Variants in DYNLT2 observed in about 807,000 individuals in gnomAD.
DYNLT2 encodes the protein dynein light chain Tctex-type protein 2.
A neutral mutation model predicts 24.3 loss-of-function variants in DYNLT2; 24 were observed. The observed-to-expected ratio is 0.99, with a 90% confidence interval of 0.71 to 1.39. The LOEUF (loss-of-function observed/expected upper bound fraction) is 1.39, where lower values mean the gene tolerates loss of function less well. Ranked by LOEUF, DYNLT2 falls within the 40% of genes most tolerant of loss-of-function variation. DYNLT2 has a pLI of 0.00. For synonymous variants in DYNLT2, 85 were observed against 85.4 expected, an observed-to-expected ratio of 1.00 and a Z score of 0.03; for missense variants, 246 against 234.5, an observed-to-expected ratio of 1.05 and a Z score of -0.32.
In DYNLT2 at chr6:169,740,232, C is replaced by T. The variant is rs1369551865; in HGVS notation, c.550G>A (p.Glu184Lys). The T allele has an allele frequency of 1.2e-6, 2 of 1,614,122 alleles. No homozygotes were observed. The highest frequency in any genetic ancestry group is 2.2e-5 in the South Asian group (2 of 91,072). The change falls in exon 4 of 4, where the codon GAA becomes AAA. Residue 184 changes from glutamate to lysine, a missense_variant. Coordinates refer to ENST00000366774, the MANE Select transcript of DYNLT2 (RefSeq NM_174910.3). Reference protein sequence around the residue: ...DSWVAAKHEAESYVALVLVFA... With the variant: ...DSWVAAKHEAKSYVALVLVFA... ...ACCAAGACCAGTGCCACGTAGGATT[C>T]TGCTTCGTGTTTAGCTGCGACCCAG...
downstream of DYNLT2, among the ~76,000 whole-genome samples, chr6:169,735,505 A>T (rs1789543162): frequency 1.3e-5 from 2 of 152,170 alleles, no homozygotes; most frequent in Admixed American, 6.5e-5. Flanking sequence ...TTGGTTTCAA[A>T]TAACTTCTTG....
intron 1 of DYNLT2, among the ~76,000 whole-genome samples, chr6:169,749,026 T>C (rs538337019): frequency 1.3e-5 from 2 of 152,348 alleles, no homozygotes; most frequent in South Asian, 4.1e-4. Context: ...AGCCTACATA[T>C]AGCCCTAAAA....
rs115618694 is a variant in DYNLT2, at chr6:169,744,988, T to C, written c.121-714A>G. On this transcript the variant is annotated intron_variant, in intron 1 of 3. Transcript: ENST00000366774. ...TGCTTGGCTAGAACTTCCAGCTCTA[T>C]GTTGAAAAGAAGTGGCAAAAGTGGA... Among the ~76,000 whole-genome samples the C allele has an allele frequency of 9.0e-3, 1,371 of 152,316 alleles. 17 individuals are homozygous for C. Among genetic ancestry groups the C allele is most frequent in the African/African-American group, 0.031 (1,282 of 41,574 alleles).
At chr6:169,744,376 C>T (rs999268214) in intron 1 of DYNLT2, 102 bp from the exon 2 acceptor site, 5 of 949,556 alleles carry the variant, frequency 5.3e-6, no homozygotes, top group South Asian at 5.2e-5. Flanking sequence ...TGGGACAGGG[C>T]TCACACAAAG....
At chr6:169,740,891 C>G (rs1360015112) in intron 3 of DYNLT2, among the ~76,000 whole-genome samples, 1 of 151,734 alleles carries the variant, frequency 6.6e-6, no homozygotes, top group East Asian at 1.9e-4. Flanking sequence ...TCACTGCAAC[C>G]TCCACCTCCT....
the DYNLT2 span, chr6:169,725,318 T>A: frequency 5.0e-6 from 2 of 398,676 alleles, no homozygotes; most frequent in Non-Finnish European, 8.8e-6. Context: ...TATAGTTGCC[T>A]ACACTCAACA....
downstream of DYNLT2, among the ~76,000 whole-genome samples, chr6:169,737,603 A>G (rs1326634900): frequency 6.6e-6 from 1 of 151,910 alleles, no homozygotes; most frequent in African/African-American, 2.4e-5. Flanking sequence ...GCTGGGGTGA[A>G]TGGCCCTACT....
At chr6:169,736,201 C>T (rs1021410407), downstream of DYNLT2, among the ~76,000 whole-genome samples, 5 of 151,372 alleles carry the variant, frequency 3.3e-5, no homozygotes, top group Admixed American at 3.3e-4. Context: ...TATTTTGAGC[C>T]TGTGTGTCTT....
At chr6:169,739,234 A>G (rs1415542024), downstream of DYNLT2, among the ~76,000 whole-genome samples, 6 of 136,634 alleles carry the variant, frequency 4.4e-5, no homozygotes, top group Non-Finnish European at 7.7e-5. Flanking sequence ...TTTTTAAGAG[A>G]TGGAGTCTTG....
At chr6:169,730,787 A>G in the DYNLT2 span, among the ~76,000 whole-genome samples, 2 of 152,088 alleles carry the variant, frequency 1.3e-5, no homozygotes, top group Non-Finnish European at 2.9e-5. Context: ...AGTCCCAGCT[A>G]CTCAGGAGGC....
chr6:169,743,769 TC>T (rs1279047435), intron 2 of DYNLT2, among the ~76,000 whole-genome samples: 2 of 152,140 alleles, frequency 1.3e-5, no homozygotes, highest in African/African-American at 4.8e-5. Context: ...GAAAATGAAA[TC>T]AAAGATTTCT....
At chr6:169,731,684 A>G in the DYNLT2 span, among the ~76,000 whole-genome samples, 1,249 of 152,334 alleles carry the variant, frequency 8.2e-3, 54 homozygotes, top group South Asian at 0.13. Context: ...TAAAGGGGCT[A>G]TTGAAACAGA....
the DYNLT2 span, among the ~76,000 whole-genome samples, chr6:169,732,114 A>T: frequency 6.6e-6 from 1 of 152,168 alleles, no homozygotes; most frequent in Non-Finnish European, 1.5e-5. Context: ...TAGCATCAAT[A>T]GCTCCTTTTA....
intron 1 of DYNLT2, among the ~76,000 whole-genome samples, chr6:169,746,285 GATTTA>G (rs1562997777): frequency 6.6e-6 from 1 of 151,744 alleles, no homozygotes; most frequent in Non-Finnish European, 1.5e-5. Flanking sequence ...TTTCTTCTTG[GATTTA>G]ATTTGTTCTT....
intron 1 of DYNLT2, among the ~76,000 whole-genome samples, chr6:169,744,525 T>A (rs1471834803): frequency 6.6e-6 from 1 of 152,128 alleles, no homozygotes; most frequent in African/African-American, 2.4e-5. Flanking sequence ...ACATACAAAT[T>A]GCATGCATAT....
At chr6:169,732,625 T>C in the DYNLT2 span, among the ~76,000 whole-genome samples, 2 of 152,254 alleles carry the variant, frequency 1.3e-5, no homozygotes, top group Non-Finnish European at 2.9e-5. Context: ...CATTCCTTTT[T>C]ATGGCTGCAT....
the DYNLT2 span, among the ~76,000 whole-genome samples, chr6:169,732,489 T>C: frequency 6.6e-6 from 1 of 152,144 alleles, no homozygotes; most frequent in African/African-American, 2.4e-5. Context: ...CTCTCTTGTG[T>C]CCATGTGTTC....
At chr6:169,734,633 A>G in the DYNLT2 span, among the ~76,000 whole-genome samples, 1 of 152,226 alleles carries the variant, frequency 6.6e-6, no homozygotes, top group African/African-American at 2.4e-5. Context: ...CCAGGGATGA[A>G]GCCGACTTGA....
intron 3 of DYNLT2, among the ~76,000 whole-genome samples, chr6:169,742,012 C>A (rs1342198237): frequency 1.3e-5 from 2 of 152,152 alleles, no homozygotes; most frequent in Non-Finnish European, 2.9e-5. Flanking sequence ...GCAGTCCACT[C>A]CTCTATGGAA....
Sources: gnomAD v4.1 joint callset for allele counts (sites outside exome capture counted in the v4.1 genomes callset) on GRCh38, gnomAD v4.1.1 for gene constraint, MANE v1.5 for transcripts, NCBI Gene and HGNC (gene_info 2026-07-23, HGNC 2026-07-21) for gene names.